The following MTHFD2L variants were observed in gnomAD, a reference collection of about 807,000 sequenced individuals.
MTHFD2L encodes methylenetetrahydrofolate dehydrogenase (NADP+ dependent) 2 like.
In MTHFD2L, 29 loss-of-function variants were observed where a neutral mutation model predicts 34.9. That is an observed-to-expected ratio of 0.83 (90% CI 0.62 to 1.13). The LOEUF (loss-of-function observed/expected upper bound fraction) is 1.13, where lower values mean the gene tolerates loss of function less well. MTHFD2L is among the 50% of genes most tolerant of loss of function. The pLI is 0.00. For missense variants in MTHFD2L, 481 were observed against 446.5 expected (o/e 1.08, Z -0.70); for synonymous variants, 167 against 155.7 (o/e 1.07, Z -0.54).
chr4:74,281,382 A>T, intron 6 of MTHFD2L, 43 bp from the exon 7 acceptor site: 2 of 1,600,102 alleles, frequency 1.2e-6, no homozygotes, highest in Non-Finnish European at 8.5e-7. Context: ...AGATATGTAC[A>T]CCTTTGTTAT....
intron 6 of MTHFD2L, among the ~76,000 whole-genome samples, chr4:74,228,823 C>G (rs550542970): frequency 5.9e-5 from 9 of 152,196 alleles, no homozygotes; most frequent in Non-Finnish European, 1.2e-4. Context: ...AGGAGGTACT[C>G]AAGCTTTAGG....
chr4:74,255,624 T>C (rs1743930938), intron 6 of MTHFD2L, among the ~76,000 whole-genome samples: 1 of 152,186 alleles, frequency 6.6e-6, no homozygotes, highest in Admixed American at 6.5e-5. Flanking sequence ...ATAGTTATTT[T>C]TTCAGGCCTT....
chr4:74,266,818 A>G (rs1176716919), intron 6 of MTHFD2L: 1 of 982,594 alleles, frequency 1.0e-6, no homozygotes, highest in East Asian at 1.1e-4. Context: ...TAAAGGTTGT[A>G]GGAGAAGGGA....
intron 6 of MTHFD2L, among the ~76,000 whole-genome samples, chr4:74,259,226 A>G (rs1172868005): frequency 2.0e-5 from 3 of 152,194 alleles, no homozygotes; most frequent in Non-Finnish European, 4.4e-5. Flanking sequence ...CCTATATTAC[A>G]GAAGTTCCTA....
intron 1 of MTHFD2L, among the ~76,000 whole-genome samples, chr4:74,174,203 G>A (rs890004723): frequency 6.6e-6 from 1 of 152,046 alleles, no homozygotes; most frequent in African/African-American, 2.4e-5. Context: ...CCACCCAAAG[G>A]ACCTACCTCC....
chr4:74,154,652 T>G (rs1310097853), upstream of MTHFD2L, among the ~76,000 whole-genome samples: 1 of 152,114 alleles, frequency 6.6e-6, no homozygotes, highest in Non-Finnish European at 1.5e-5. Flanking sequence ...AGTTCCTTAC[T>G]TTCCAGAATT....
intron 1 of MTHFD2L, among the ~76,000 whole-genome samples, chr4:74,127,010 T>C (rs1722128119): frequency 1.3e-5 from 2 of 152,162 alleles, no homozygotes; most frequent in African/African-American, 2.4e-5. Context: ...CTGATGGTTT[T>C]ACAAGAGGCT....
chr4:74,169,655 C>A (rs1727482651), intron 1 of MTHFD2L, among the ~76,000 whole-genome samples: 1 of 152,088 alleles, frequency 6.6e-6, no homozygotes, highest in African/African-American at 2.4e-5. Flanking sequence ...TTATTTGCTA[C>A]TACCTATAAA....
At chr4:74,241,433 T>C (rs1741693112) in intron 6 of MTHFD2L, 1 of 171,204 alleles carries the variant, frequency 5.8e-6, no homozygotes, top group Non-Finnish European at 1.3e-5. Flanking sequence ...TCTCTCTATT[T>C]CCCATGCTGG....
intron 6 of MTHFD2L, among the ~76,000 whole-genome samples, chr4:74,238,651 A>G (rs1210115385): frequency 1.3e-5 from 2 of 152,246 alleles, no homozygotes; most frequent in Non-Finnish European, 2.9e-5. Flanking sequence ...ACAAGAAAAA[A>G]ACAACCCCAT....
intron 7 of MTHFD2L, chr4:74,293,592 G>GAATGAATGTAAGA: frequency 1.1e-6 from 1 of 903,390 alleles, no homozygotes; most frequent in Non-Finnish European, 1.3e-6. Flanking sequence ...ATTCCCTCCG[G>GAATGAATGTAAGA]AGCACTTGAT....
intron 6 of MTHFD2L, chr4:74,268,363 G>A: frequency 1.7e-6 from 1 of 579,620 alleles, no homozygotes; most frequent in Non-Finnish European, 2.2e-6. Context: ...CTGAAGAAGT[G>A]ATCCACCTGA....
At chr4:74,156,229 A>C (rs564241780), upstream of MTHFD2L, among the ~76,000 whole-genome samples, 6 of 152,250 alleles carry the variant, frequency 3.9e-5, no homozygotes, top group African/African-American at 1.2e-4. Flanking sequence ...GCTACACACT[A>C]TTCAAACCTC....
chr4:74,275,368 C>T (rs1168328131), intron 6 of MTHFD2L, among the ~76,000 whole-genome samples: 5 of 152,038 alleles, frequency 3.3e-5, no homozygotes, highest in African/African-American at 1.2e-4. Context: ...TGGTTTGGTT[C>T]CAAGTCTTTG....
At position 74,150,652 on chromosome 4, in the gene MTHFD2L, A is replaced by C. The variant is rs180852815; in HGVS notation, c.-296-9403A>C. The stretch of plus-strand genomic sequence containing the variant: ...TTATTTGCATATTATTTTCTGCTCC[A>C]AACATTATCCCATAACTTAAAAAAA... On this transcript the variant is annotated intron_variant, in intron 1 of 7. Coordinates refer to the MTHFD2L transcript ENST00000433372. Among the ~76,000 whole-genome samples the C allele has an allele frequency of 1.9e-3, 281 of 150,854 alleles. 1 individual carries two copies. Among genetic ancestry groups the C allele is most frequent in the African/African-American group, 6.9e-3 (277 of 40,184 alleles).
At chr4:74,195,297 A>G (rs921073832) in intron 3 of MTHFD2L, 7 of 152,234 alleles carry the variant, frequency 4.6e-5, no homozygotes, top group African/African-American at 1.7e-4. Context: ...GAGAAAAGCA[A>G]TGTGATCAAA....
At chr4:74,170,935 A>T (rs1727816282) in intron 1 of MTHFD2L, among the ~76,000 whole-genome samples, 1 of 136,322 alleles carries the variant, frequency 7.3e-6, no homozygotes, top group Admixed American at 8.2e-5. Context: ...CAATAAGAAC[A>T]CATGCACACA....
intron 1 of MTHFD2L, among the ~76,000 whole-genome samples, chr4:74,130,781 T>C (rs1301424476): frequency 6.6e-6 from 1 of 152,008 alleles, no homozygotes; most frequent in African/African-American, 2.4e-5. Context: ...CAAATAGGAA[T>C]AGAGGGAGTC....
upstream of MTHFD2L, among the ~76,000 whole-genome samples, chr4:74,119,236 A>T (rs1205188935): frequency 6.6e-6 from 1 of 152,136 alleles, no homozygotes; most frequent in Non-Finnish European, 1.5e-5. Context: ...ATCTGGTGGC[A>T]GGCTTTAAGT....
Sources: allele counts gnomAD v4.1 joint callset (sites outside exome capture counted in the v4.1 genomes callset), GRCh38; gene constraint gnomAD v4.1.1; transcripts MANE v1.5; gene names NCBI Gene and HGNC (gene_info 2026-07-23, HGNC 2026-07-21).